The following CRACDL variants were observed in gnomAD, a reference collection of about 807,000 sequenced individuals.
The protein encoded by CRACDL is CRACD-like protein.
Under a neutral mutation model 70.6 loss-of-function variants are expected in CRACDL, and 26 were observed. The observed-to-expected ratio is 0.37, with a 90% CI of 0.27 to 0.51. CRACDL has a LOEUF of 0.51. Among genes scored for constraint, CRACDL ranks in the 20% least tolerant of loss-of-function variants. The probability of loss-of-function intolerance (pLI) is 0.94; values close to 1 mark genes in which losing one functional copy is unlikely to be tolerated. For missense variants in CRACDL, 1,283 were observed against 1,376.9 expected (o/e 0.93, Z 1.08); for synonymous variants, 618 against 615.2 (o/e 1.00, Z -0.07).
Position 98,827,000 on chromosome 2 carries a change from G to A in CRACDL, c.710C>T (p.Ser237Leu), listed in dbSNP as rs779773449. The A allele has an allele frequency of 5.6e-6, 9 of 1,613,532 alleles. No homozygotes were observed. The highest frequency in any genetic ancestry group is 1.1e-5 in the South Asian group (1 of 91,022). The change falls in exon 6 of 10, where the codon TCG (serine) becomes TTG (leucine). Residue 237 changes from serine to leucine, a missense_variant. Ser to Leu is a moderately radical substitution (Grantham distance 145). Around this residue, in one of 2 missense-constraint regions of CRACDL, gnomAD observed 362 missense variants for 495.0 expected, o/e 0.73. Coordinates refer to ENST00000397899, the MANE Select transcript of CRACDL (RefSeq NM_207362.3). ...CGATGAGAGCCGCCTCATCTTACTC[G>A]ACCGCTGGTTGCGGGGCTTGACCTG... Reference protein sequence around the residue: ...KLQVKPRNQRSSKMRRLSSRA... With the variant: ...KLQVKPRNQRLSKMRRLSSRA...
Position 98,911,797 on chromosome 2 carries a change from G to A in CRACDL, c.-11+24141C>T, listed in dbSNP as rs540857724. On this transcript the variant is annotated intron_variant, in intron 1 of 9. Transcript: ENST00000397899. ...GTGTTTTGTTTTCCTCCCAGTCTGC[G>A]GTGCTCACAAAATTAAACCCACGGA... Among the ~76,000 whole-genome samples, 6 of 152,004 alleles carry A rather than the reference G, an allele frequency of 3.9e-5. No individual in the cohort carries two copies. In the South Asian group the frequency reaches 6.3e-4, roughly 16 times the overall value.
Position 98,821,897 on chromosome 2 carries a change from C to G in CRACDL, c.2376G>C (p.Glu792Asp). 1 of 1,604,580 alleles carries G rather than the reference C, an allele frequency of 6.2e-7. No individual in the cohort carries two copies. Among genetic ancestry groups the G allele is most frequent in the Non-Finnish European group, 8.5e-7 (1 of 1,177,962 alleles). ...AGPGEREPRK[E>D]PRTAEKRPLR... ...GCGGCCTTTTCTCCGCCGTCCTGGG[C>G]TCCTTCCTGGGTTCCCGCTCTCCCG... The change falls in exon 7 of 10, where the codon GAG becomes GAC. Residue 792 changes from glutamate (E) to aspartate (D), a missense_variant. This residue lies in a region of CRACDL where 921 missense variants were observed against 881.9 expected (regional missense o/e 1.04). Transcript: ENST00000397899.
At chr2:98,820,061 G>A (rs1270882512) in intron 7 of CRACDL, among the ~76,000 whole-genome samples, 6 of 151,420 alleles carry the variant, frequency 4.0e-5, no homozygotes, top group Non-Finnish European at 5.9e-5. Flanking sequence ...CTTGTGATCC[G>A]CCTGCCTCGG....
At chr2:98,929,475 G>T (rs1281975585) in intron 1 of CRACDL, among the ~76,000 whole-genome samples, 1 of 152,144 alleles carries the variant, frequency 6.6e-6, no homozygotes, top group Non-Finnish European at 1.5e-5. Flanking sequence ...TGGGACGGGG[G>T]AGCCGCCTCT....
chr2:98,911,104 G>A (rs1708536850), intron 1 of CRACDL, among the ~76,000 whole-genome samples: 1 of 152,168 alleles, frequency 6.6e-6, no homozygotes, highest in Admixed American at 6.5e-5. Context: ...GAACTGAGAG[G>A]TGAGAGACCC....
chr2:98,823,092 G>A lies in CRACDL; in HGVS notation c.1181C>T (p.Ala394Val), dbSNP rs975613469. The change falls in exon 7 of 10, where the codon GCT (alanine) becomes GTT (valine). Residue 394 changes from alanine to valine, a missense_variant. Ala to Val is a moderately conservative substitution (Grantham distance 64, BLOSUM62 0). Coordinates refer to ENST00000397899, the MANE Select transcript of CRACDL (RefSeq NM_207362.3). This position sits in a 1 kb window ranked among gnomAD's most constrained non-coding sequence, Gnocchi z 4.0. ...ATDKAEEVVC[A>V]PEDVASPFPT... ...AAACGGGCTCGCGACGTCTTCGGGA[G>A]CACAGACCACCTCCTCCGCCTTGTC... is the stretch of plus-strand genomic sequence containing the variant. 14 of 1,578,814 alleles carry A rather than the reference G, an allele frequency of 8.9e-6. No individual in the cohort carries two copies. The African/African-American group carries it at 1.7e-4, about 19-fold the overall frequency.
chr2:98,887,648 T>G (rs1707835499), intron 1 of CRACDL, among the ~76,000 whole-genome samples: 1 of 151,964 alleles, frequency 6.6e-6, no homozygotes, highest in Non-Finnish European at 1.5e-5. Context: ...CACGACCCAT[T>G]CAAGAAGCTT....
chr2:98,822,771 C>G lies in CRACDL; in HGVS notation c.1502G>C (p.Arg501Pro), dbSNP rs1007279331. 8 of 1,285,636 alleles carry G rather than the reference C, an allele frequency of 6.2e-6. No individual in the cohort carries two copies. Among genetic ancestry groups the G allele is most frequent in the Non-Finnish European group, 7.8e-6 (8 of 1,020,542 alleles). 79.6% of individuals were successfully genotyped at this position (1,285,636 alleles called of 1,614,324 possible). ...PPAPKSCLKHRPAAASEGPAA... is the reference protein window; with the variant it reads ...PPAPKSCLKHPPAAASEGPAA... ...GGGGCCCTCGCTGGCGGCCGCGGGC[C>G]GGTGTTTCAGGCAGCTCTTGGGCGC... is the stretch of plus-strand genomic sequence containing the variant. The change falls in exon 7 of 10, where the codon CGG (arginine) becomes CCG (proline). Residue 501 changes from arginine to proline, a missense_variant. Arg to Pro is a moderately radical substitution (Grantham distance 103, BLOSUM62 -2). Coordinates refer to ENST00000397899, the MANE Select transcript of CRACDL (RefSeq NM_207362.3). This position sits in a 1 kb window ranked among gnomAD's most constrained non-coding sequence, Gnocchi z 4.9.
At chr2:98,826,128 C>T (rs1400951850) in intron 6 of CRACDL, among the ~76,000 whole-genome samples, 1 of 152,194 alleles carries the variant, frequency 6.6e-6, no homozygotes, top group Non-Finnish European at 1.5e-5. Context: ...GAACCTCGAA[C>T]CTGCCAGTAA....
intron 7 of CRACDL, among the ~76,000 whole-genome samples, chr2:98,803,270 G>T (rs1313219702): frequency 6.6e-6 from 1 of 152,086 alleles, no homozygotes; most frequent in Non-Finnish European, 1.5e-5. Flanking sequence ...AAAGTGCTGG[G>T]ATTACAGGCA....
intron 2 of CRACDL, among the ~76,000 whole-genome samples, chr2:98,838,555 C>T (rs1216860283): frequency 2.6e-5 from 4 of 152,154 alleles, no homozygotes; most frequent in African/African-American, 7.2e-5. Flanking sequence ...AAATTAGCAA[C>T]TTTCCTCTCA....
At chr2:98,840,564 G>A (rs1705985971) in intron 2 of CRACDL, 1 of 152,002 alleles carries the variant, frequency 6.6e-6, no homozygotes. Flanking sequence ...TAAAGCGTTT[G>A]TTTTATCAAT....
chr2:98,872,220 T>C (rs531712647), intron 1 of CRACDL, among the ~76,000 whole-genome samples: 1 of 152,168 alleles, frequency 6.6e-6, no homozygotes, highest in South Asian at 2.1e-4. Context: ...TAGCCGGGCG[T>C]GGTGGCACAT....
At chr2:98,897,632 A>T (rs1402830541) in intron 1 of CRACDL, among the ~76,000 whole-genome samples, 7 of 152,204 alleles carry the variant, frequency 4.6e-5, no homozygotes, top group Non-Finnish European at 1.0e-4. Context: ...AACTTGGGAG[A>T]TATAGTTAAG....
intron 1 of CRACDL, among the ~76,000 whole-genome samples, chr2:98,866,467 C>CACTTCTTCTTT (rs1707145420): frequency 7.7e-6 from 1 of 129,294 alleles, no homozygotes; most frequent in Non-Finnish European, 1.6e-5. Flanking sequence ...ATGAAACAAT[C>CACTTCTTCTTT]ACTTCTTCTT....
chr2:98,795,047 A>AAAAATTTATC, intron 9 of CRACDL, among the ~76,000 whole-genome samples: 1 of 39,450 alleles, frequency 2.5e-5, no homozygotes, highest in Non-Finnish European at 4.5e-5. Context: ...AAAAATATAT[A>AAAAATTTATC]TATATATATA....
intron 1 of CRACDL, among the ~76,000 whole-genome samples, chr2:98,927,113 T>G (rs1256790862): frequency 6.6e-6 from 1 of 152,206 alleles, no homozygotes; most frequent in Non-Finnish European, 1.5e-5. Flanking sequence ...GCTTCAGGGC[T>G]CACGTCAAGA....
At chr2:98,806,603 C>A (rs1704306314) in intron 7 of CRACDL, among the ~76,000 whole-genome samples, 1 of 152,222 alleles carries the variant, frequency 6.6e-6, no homozygotes, top group Non-Finnish European at 1.5e-5. Flanking sequence ...TTAAAGCTAG[C>A]CTCTCGGCAG....
intron 1 of CRACDL, among the ~76,000 whole-genome samples, chr2:98,881,231 C>T (rs936973173): frequency 1.3e-5 from 2 of 152,194 alleles, no homozygotes; most frequent in Non-Finnish European, 2.9e-5. Context: ...AGAAGCCTCA[C>T]GGAGGGAACG....
Sources: gnomAD v4.1 joint callset for allele counts (sites outside exome capture counted in the v4.1 genomes callset) on GRCh38, gnomAD v4.1.1 for gene constraint, gnomAD v4.1.1 regional missense constraint, Gnocchi (gnomAD v3.1) non-coding constraint, MANE v1.5 for transcripts, NCBI Gene and HGNC (gene_info 2026-07-23, HGNC 2026-07-21) for gene names.